The following GALNTL6 variants were observed in gnomAD, a reference collection of about 807,000 sequenced individuals.
GALNTL6 encodes polypeptide N-acetylgalactosaminyltransferase-like 6.
Under a neutral mutation model 73.7 loss-of-function variants are expected in GALNTL6, and 46 were observed. The observed-to-expected ratio is 0.62, with a 90% CI of 0.49 to 0.80. The LOEUF is 0.80. Ranked by LOEUF, GALNTL6 falls within the 30% of genes least tolerant of loss-of-function variation. The pLI is 0.00. For missense variants in GALNTL6, 604 were observed against 755.0 expected (o/e 0.80, Z 2.34); for synonymous variants, 259 against 263.7 (o/e 0.98, Z 0.17).
chr4:172,911,709 A>G (rs1469692162), intron 8 of GALNTL6, among the ~76,000 whole-genome samples: 1 of 152,254 alleles, frequency 6.6e-6, no homozygotes, highest in African/African-American at 2.4e-5. Context: ...ATTCATTTCA[A>G]TTACCCAACA....
At chr4:172,546,172 C>T (rs1166897050) in intron 5 of GALNTL6, among the ~76,000 whole-genome samples, 3 of 151,990 alleles carry the variant, frequency 2.0e-5, no homozygotes, top group Admixed American at 6.6e-5. Context: ...ACTTACTCAC[C>T]CATTACCACT....
At chr4:172,300,479 A>G (rs1739871661) in intron 3 of GALNTL6, among the ~76,000 whole-genome samples, 1 of 152,056 alleles carries the variant, frequency 6.6e-6, no homozygotes, top group Admixed American at 6.6e-5. Context: ...TGGTCTTTAC[A>G]ATTTGGCATG....
chr4:172,674,800 A>G (rs1001438401), intron 5 of GALNTL6, among the ~76,000 whole-genome samples: 1 of 152,122 alleles, frequency 6.6e-6, no homozygotes, highest in East Asian at 1.9e-4. Flanking sequence ...AAATTGATGT[A>G]GTATGTTTTT....
chr4:172,311,347 G>A (rs982955431), intron 3 of GALNTL6, among the ~76,000 whole-genome samples: 1 of 152,132 alleles, frequency 6.6e-6, no homozygotes, highest in African/African-American at 2.4e-5. Flanking sequence ...CTGCATACAA[G>A]TATTAATAAA....
chr4:172,679,450 G>A lies in GALNTL6; in HGVS notation c.554-129911G>A, dbSNP rs531338130. The stretch of plus-strand genomic sequence containing the variant: ...AAGTAAAAGCCATGCTAAATTTGTG[G>A]GTCATAGGGACAGGACTTGTTTGCC... On this transcript the variant is annotated intron_variant, in intron 5 of 12. Transcript: ENST00000506823. Among the ~76,000 whole-genome samples, 22 of 152,040 alleles carry A rather than the reference G, an allele frequency of 1.4e-4. No homozygotes were observed. In the East Asian group the frequency reaches 3.3e-3, roughly 23 times the overall value.
At chr4:172,480,739 G>A (rs72995053) in intron 5 of GALNTL6, among the ~76,000 whole-genome samples, 1 of 152,286 alleles carries the variant, frequency 6.6e-6, no homozygotes, top group Non-Finnish European at 1.5e-5. Context: ...TTTGTGGTCA[G>A]ATGTGGATTA....
At chr4:172,683,420 T>C (rs1732740281) in intron 5 of GALNTL6, among the ~76,000 whole-genome samples, 1 of 152,228 alleles carries the variant, frequency 6.6e-6, no homozygotes, top group Non-Finnish European at 1.5e-5. Context: ...AATATATGCA[T>C]CCAATATAAC....
intron 5 of GALNTL6, among the ~76,000 whole-genome samples, chr4:172,387,982 C>G (rs947224934): frequency 6.6e-6 from 1 of 152,016 alleles, no homozygotes; most frequent in Non-Finnish European, 1.5e-5. Context: ...ACAAATGTAC[C>G]TCTTTTAAAG....
intron 5 of GALNTL6, among the ~76,000 whole-genome samples, chr4:172,468,023 G>T (rs1400811344): frequency 6.6e-6 from 1 of 151,378 alleles, no homozygotes; most frequent in Non-Finnish European, 1.5e-5. Flanking sequence ...CCTCTGAGTA[G>T]CTGGGACTAT....
At chr4:172,230,653 C>A (rs1197200104) in intron 3 of GALNTL6, among the ~76,000 whole-genome samples, 2 of 151,664 alleles carry the variant, frequency 1.3e-5, no homozygotes, top group Admixed American at 6.6e-5. Context: ...CTGTTGTGAA[C>A]AGAAATTCAG....
intron 2 of GALNTL6, among the ~76,000 whole-genome samples, chr4:172,187,801 A>G (rs1292356149): frequency 6.6e-6 from 1 of 152,094 alleles, no homozygotes; most frequent in Non-Finnish European, 1.5e-5. Context: ...TAGGAGACAA[A>G]TATCACTTCC....
At chr4:171,854,248 T>G (rs1335355750) in intron 2 of GALNTL6, among the ~76,000 whole-genome samples, 2 of 152,112 alleles carry the variant, frequency 1.3e-5, no homozygotes, top group African/African-American at 4.8e-5. Flanking sequence ...TCCTTGTGAG[T>G]ATTGCCTGCC....
At position 171,816,631 on chromosome 4, in the gene GALNTL6, A is replaced by G. The variant is rs1041952207; in HGVS notation, c.138+1913A>G. 4.5e-4 allele frequency among the ~76,000 whole-genome samples: 68 copies of G among 152,050 alleles called. 1 individual carries two copies. The highest frequency in any genetic ancestry group is 1.6e-3 in the African/African-American group (67 of 41,456). On this transcript the variant is annotated intron_variant, in intron 2 of 12. Transcript: ENST00000506823. Reference sequence around the variant, plus strand: ...GAAAATAAGCCCCAAAATGAATGTCAGTCATCTACTTTAATATTACCTAAA... The same window carrying G: ...GAAAATAAGCCCCAAAATGAATGTCGGTCATCTACTTTAATATTACCTAAA...
chr4:172,945,143 T>A (rs953598326), intron 9 of GALNTL6, among the ~76,000 whole-genome samples: 3 of 151,670 alleles, frequency 2.0e-5, no homozygotes, highest in African/African-American at 7.3e-5. Flanking sequence ...AAAATACTTA[T>A]ACTAAGTGAA....
At chr4:172,552,694 T>G (rs1735996238) in intron 5 of GALNTL6, among the ~76,000 whole-genome samples, 2 of 151,638 alleles carry the variant, frequency 1.3e-5, no homozygotes, top group Admixed American at 1.3e-4. Context: ...TCTTAAAAAC[T>G]TACGTGTGAG....
chr4:172,897,958 T>C (rs1423208817), intron 8 of GALNTL6, among the ~76,000 whole-genome samples: 1 of 152,204 alleles, frequency 6.6e-6, no homozygotes, highest in Non-Finnish European at 1.5e-5. Flanking sequence ...GGAGGAAACT[T>C]GGTATTCTAA....
Position 172,374,594 on chromosome 4 carries a change from A to G in GALNTL6, c.553+25905A>G, listed in dbSNP as rs1742957605. 2.0e-5 allele frequency among the ~76,000 whole-genome samples: 3 copies of G among 152,274 alleles called. No homozygotes were observed. In the South Asian group the frequency reaches 6.2e-4, roughly 32 times the overall value. On this transcript the variant is annotated intron_variant, in intron 5 of 12. Transcript: ENST00000506823. ...CATGGGCTTTTTCCTAATTCTCCTT[A>G]GTCCTTCTAGAACACAGGTCAACAG...
intron 2 of GALNTL6, among the ~76,000 whole-genome samples, chr4:172,227,250 A>G (rs1448163678): frequency 6.6e-6 from 1 of 152,178 alleles, no homozygotes; most frequent in Non-Finnish European, 1.5e-5. Context: ...CTCTTATGTA[A>G]GGATGTAAGC....
At chr4:172,045,590 A>G (rs569066853) in intron 2 of GALNTL6, among the ~76,000 whole-genome samples, 39 of 152,100 alleles carry the variant, frequency 2.6e-4, no homozygotes, top group South Asian at 1.0e-3. Context: ...TTTATAGAAA[A>G]AGGGCTATTA....
Sources: gnomAD v4.1 joint callset for allele counts (sites outside exome capture counted in the v4.1 genomes callset) on GRCh38, gnomAD v4.1.1 for gene constraint, MANE v1.5 for transcripts, NCBI Gene and HGNC (gene_info 2026-07-23, HGNC 2026-07-21) for gene names.